MAGI2: variants seen among roughly 807,000 people sequenced by gnomAD.
The protein encoded by MAGI2 is membrane associated guanylate kinase, WW and PDZ domain containing 2.
MAGI2 carries 35 observed loss-of-function variants against 133.3 expected under a neutral mutation model. The ratio of observed to expected loss-of-function variants is 0.26; its 90% CI spans 0.20 to 0.35. MAGI2 has a LOEUF of 0.35. MAGI2 is among the 10% of genes least tolerant of loss of function. MAGI2 has a pLI of 1.00. For missense variants in MAGI2, 1,636 were observed against 1,863.4 expected, an observed-to-expected ratio of 0.88 and a Z score of 2.25; for synonymous variants, 729 against 710.6, an observed-to-expected ratio of 1.03 and a Z score of -0.41.
chr7:78,444,035 T>G (rs190332469), intron 6 of MAGI2, among the ~76,000 whole-genome samples: 57 of 147,892 alleles, frequency 3.9e-4, no homozygotes, highest in African/African-American at 1.3e-3. Context: ...CTTAAGGCCA[T>G]TTTGTGGGAT....
At chr7:78,638,423 C>T (rs1433479398) in intron 2 of MAGI2, among the ~76,000 whole-genome samples, 1 of 152,206 alleles carries the variant, frequency 6.6e-6, no homozygotes, top group Admixed American at 6.5e-5. Flanking sequence ...ATCTCCTCTA[C>T]CCAGCAGATT....
chr7:78,430,980 A>T lies in MAGI2; in HGVS notation c.1045+58781T>A, dbSNP rs192587950. ...TTACAATTTTGCACAGGTTTGCCTGAGCATATATTATTTAATTCATTTCCC... is the reference window on the plus strand; with the variant it reads ...TTACAATTTTGCACAGGTTTGCCTGTGCATATATTATTTAATTCATTTCCC... On this transcript the variant is annotated intron_variant, in intron 6 of 21. Coordinates refer to ENST00000354212, the MANE Select transcript of MAGI2 (RefSeq NM_012301.4). Among the ~76,000 whole-genome samples the T allele has an allele frequency of 2.5e-3, 374 of 152,100 alleles. 2 individuals carry two copies. The highest frequency in any genetic ancestry group is 8.6e-3 in the African/African-American group (359 of 41,506).
At chr7:78,834,292 T>A (rs1791430926) in intron 2 of MAGI2, among the ~76,000 whole-genome samples, 1 of 152,152 alleles carries the variant, frequency 6.6e-6, no homozygotes, top group Non-Finnish European at 1.5e-5. Flanking sequence ...ATAACCACTA[T>A]CCAATTTCAG....
intron 2 of MAGI2, among the ~76,000 whole-genome samples, chr7:78,827,433 C>T (rs970037911): frequency 3.5e-5 from 5 of 143,860 alleles, no homozygotes; most frequent in African/African-American, 7.5e-5. Flanking sequence ...TGCACACCAC[C>T]ATTCCATGTT....
intron 1 of MAGI2, among the ~76,000 whole-genome samples, chr7:79,254,557 G>GTAAAGAGTAAC (rs1833554486): frequency 6.6e-6 from 1 of 152,126 alleles, no homozygotes; most frequent in African/African-American, 2.4e-5. Flanking sequence ...TAAGAATACA[G>GTAAAGAGTAAC]TTGTATGCTT....
chr7:78,547,193 TCTAATA>T (rs1421541045), intron 3 of MAGI2, among the ~76,000 whole-genome samples: 1 of 152,186 alleles, frequency 6.6e-6, no homozygotes, highest in Non-Finnish European at 1.5e-5. Flanking sequence ...CCCAAACACT[TCTAATA>T]CTAAATATTG....
At chr7:78,779,185 C>A (rs188736703) in intron 2 of MAGI2, among the ~76,000 whole-genome samples, 1 of 152,186 alleles carries the variant, frequency 6.6e-6, no homozygotes, top group East Asian at 1.9e-4. Flanking sequence ...GGATTACAGG[C>A]GTAAGCCACC....
chr7:78,838,441 C>T (rs144772815), intron 2 of MAGI2, among the ~76,000 whole-genome samples: 2 of 151,782 alleles, frequency 1.3e-5, no homozygotes, highest in East Asian at 1.9e-4. Context: ...TTCATTTATC[C>T]TATTCCATTT....
chr7:79,107,547 T>C (rs1207558596), intron 1 of MAGI2, among the ~76,000 whole-genome samples: 2 of 152,216 alleles, frequency 1.3e-5, no homozygotes, highest in African/African-American at 2.4e-5. Flanking sequence ...TAAATTTGTG[T>C]TGTTGAAAAC....
intron 2 of MAGI2, among the ~76,000 whole-genome samples, chr7:78,765,287 G>T (rs1824900696): frequency 6.8e-6 from 1 of 147,282 alleles, no homozygotes; most frequent in Non-Finnish European, 1.5e-5. Flanking sequence ...CTATATTGCT[G>T]CCTTAGTATT....
At chr7:79,048,893 C>G (rs2116970040) in intron 1 of MAGI2, among the ~76,000 whole-genome samples, 1 of 152,296 alleles carries the variant, frequency 6.6e-6, no homozygotes, top group Admixed American at 6.5e-5. Context: ...AGGGCTGAGG[C>G]AGGAGAATCA....
At chr7:79,319,187 G>C (rs1838983924) in intron 1 of MAGI2, among the ~76,000 whole-genome samples, 1 of 152,014 alleles carries the variant, frequency 6.6e-6, no homozygotes, top group African/African-American at 2.4e-5. Flanking sequence ...AGGTAAGTTT[G>C]GGATGTTTGC....
intron 1 of MAGI2, among the ~76,000 whole-genome samples, chr7:79,142,012 T>C (rs1822183648): frequency 6.6e-6 from 1 of 152,212 alleles, no homozygotes; most frequent in Admixed American, 6.6e-5. Context: ...TTATTTACCA[T>C]ACACAAATGT....
Position 78,452,591 on chromosome 7 carries a change from T to G in MAGI2, c.1045+37170A>C, listed in dbSNP as rs184917771. On this transcript the variant is annotated intron_variant, in intron 6 of 21. Transcript: ENST00000354212. ...TCTGGGAAAAAAACCAAGTATGCAG[T>G]GTTTAATTAATTTTTATAATAAAGA... Among the ~76,000 whole-genome samples the G allele has an allele frequency of 2.0e-3, 300 of 152,102 alleles. 1 individual carries two copies. The highest frequency in any genetic ancestry group is 4.0e-3 in the Admixed American group (61 of 15,212).
intron 2 of MAGI2, among the ~76,000 whole-genome samples, chr7:78,717,143 G>T (rs963606379): frequency 2.0e-5 from 3 of 152,058 alleles, no homozygotes; most frequent in Admixed American, 6.6e-5. Flanking sequence ...AGCGGGAAAG[G>T]AGGCTCCTGC....
intron 5 of MAGI2, among the ~76,000 whole-genome samples, chr7:78,490,284 A>T (rs1355344148): frequency 1.3e-5 from 2 of 152,108 alleles, no homozygotes; most frequent in Non-Finnish European, 2.9e-5. Context: ...TGGCAGAGGC[A>T]GTACAAAAGT....
chr7:78,684,455 C>T (rs915170054), intron 2 of MAGI2, among the ~76,000 whole-genome samples: 2 of 152,144 alleles, frequency 1.3e-5, no homozygotes, highest in African/African-American at 4.8e-5. Flanking sequence ...CGTCTTTGAT[C>T]TCTAACACAG....
chr7:78,512,543 C>T (rs2150561465), intron 4 of MAGI2, among the ~76,000 whole-genome samples: 1 of 152,274 alleles, frequency 6.6e-6, no homozygotes, highest in African/African-American at 2.4e-5. Flanking sequence ...GTAACTGGGA[C>T]TACAGGGGCG....
intron 6 of MAGI2, among the ~76,000 whole-genome samples, chr7:78,431,138 G>A (rs1398795268): frequency 3.3e-5 from 5 of 150,336 alleles, no homozygotes; most frequent in Non-Finnish European, 7.4e-5. Context: ...CTTGGTTTTT[G>A]AATACCTTTA....
Sources: allele counts gnomAD v4.1 joint callset (sites outside exome capture counted in the v4.1 genomes callset), GRCh38; gene constraint gnomAD v4.1.1; transcripts MANE v1.5; gene names NCBI Gene and HGNC (gene_info 2026-07-23, HGNC 2026-07-21).